The following INTU variants were observed in gnomAD, a reference collection of about 807,000 sequenced individuals.
INTU encodes inturned planar cell polarity protein.
A neutral mutation model predicts 100.5 loss-of-function variants in INTU; 68 were observed. The ratio of observed to expected loss-of-function variants is 0.68; its 90% CI spans 0.56 to 0.83. The LOEUF (loss-of-function observed/expected upper bound fraction) is 0.83. Among genes scored for constraint, INTU ranks in the 40% least tolerant of loss-of-function variants. The pLI, the probability that INTU is intolerant of heterozygous loss-of-function variation, is 0.00. For synonymous variants in INTU, 357 were observed against 395.7 expected (o/e 0.90, Z 1.16); for missense variants, 1,071 against 1,114.7 (o/e 0.96, Z 0.56).
intron 6 of INTU, among the ~76,000 whole-genome samples, chr4:127,679,230 A>G (rs1330298679): frequency 6.6e-6 from 1 of 152,176 alleles, no homozygotes; most frequent in Non-Finnish European, 1.5e-5. Flanking sequence ...CAGGAATTGA[A>G]CTCAGCTCTG....
intron 1 of INTU, among the ~76,000 whole-genome samples, chr4:127,635,245 T>C (rs897481261): frequency 6.6e-6 from 1 of 152,136 alleles, no homozygotes; most frequent in African/African-American, 2.4e-5. Flanking sequence ...TTTAGGTTTG[T>C]TAGAGAATAA....
At chr4:127,695,594 T>G (rs549083045) in intron 8 of INTU, among the ~76,000 whole-genome samples, 1 of 152,332 alleles carries the variant, frequency 6.6e-6, no homozygotes, top group South Asian at 2.1e-4. Flanking sequence ...AATTGTAATA[T>G]ATAAGATTGT....
chr4:127,687,575 A>C, intron 7 of INTU, 103 bp from the exon 8 acceptor site: 1 of 795,258 alleles, frequency 1.3e-6, no homozygotes, highest in Non-Finnish European at 2.1e-6. Flanking sequence ...GGAGTGAGGA[A>C]GATAGCCTAT....
At position 127,680,311 on chromosome 4, in the gene INTU, T is replaced by A. The variant is rs562621491; in HGVS notation, c.1182-4098T>A. On this transcript the variant is annotated intron_variant, in intron 6 of 15. Coordinates refer to ENST00000335251, the MANE Select transcript of INTU (RefSeq NM_015693.4). Reference sequence around the variant, plus strand: ...GCAGAGACACAACCAAAAAAGAGAATTTTAGACCAATATCCTTGATGAACA... The same window carrying A: ...GCAGAGACACAACCAAAAAAGAGAAATTTAGACCAATATCCTTGATGAACA... Among the ~76,000 whole-genome samples, 127 of 151,234 alleles carry A rather than the reference T, an allele frequency of 8.4e-4. 1 individual carries two copies. The highest frequency in any genetic ancestry group is 2.9e-3 in the African/African-American group (119 of 41,146).
At chr4:127,645,560 A>G (rs748945199) in intron 2 of INTU, among the ~76,000 whole-genome samples, 1 of 151,536 alleles carries the variant, frequency 6.6e-6, no homozygotes, top group Non-Finnish European at 1.5e-5. Flanking sequence ...TATTTTATTT[A>G]TTTATTTATT....
At chr4:127,704,405 C>G in intron 10 of INTU, 115 bp downstream of exon 10, 1 of 801,322 alleles carries the variant, frequency 1.2e-6, no homozygotes, top group Non-Finnish European at 2.0e-6. Flanking sequence ...ATGTAGGTAC[C>G]ATAAGATTAA....
chr4:127,704,225 C>A lies in INTU; in HGVS notation c.1504-3C>A. On this transcript the variant is annotated splice_region_variant and splice_polypyrimidine_tract_variant and intron_variant, in intron 9 of 15. Coordinates refer to ENST00000335251, the MANE Select transcript of INTU (RefSeq NM_015693.4). ...TAAAATCCACTATGAATTTTTCCCC[C>A]AGTCCGAGGATTACTATGACATGAG... 5 of 1,602,110 alleles carry A rather than the reference C, an allele frequency of 3.1e-6. No homozygotes were observed. Among genetic ancestry groups the A allele is most frequent in the Non-Finnish European group, 4.3e-6 (5 of 1,173,832 alleles).
chr4:127,668,546 AT>A (rs1728791221), intron 4 of INTU, among the ~76,000 whole-genome samples: 1 of 151,716 alleles, frequency 6.6e-6, no homozygotes. Context: ...CTTGGCTTGG[AT>A]TTAATGATTT....
At chr4:127,666,020 T>TGTA (rs954942951) in intron 4 of INTU, among the ~76,000 whole-genome samples, 1 of 152,216 alleles carries the variant, frequency 6.6e-6, no homozygotes, top group Non-Finnish European at 1.5e-5. Flanking sequence ...AGAAGTCTAC[T>TGTA]GTCAGTCTAT....
At chr4:127,680,844 T>G (rs1039430299) in intron 6 of INTU, among the ~76,000 whole-genome samples, 3 of 151,932 alleles carry the variant, frequency 2.0e-5, no homozygotes. Flanking sequence ...ATTGTATATC[T>G]AGAAAACCCC....
At chr4:127,648,252 T>C (rs1275629743) in intron 2 of INTU, among the ~76,000 whole-genome samples, 1 of 152,118 alleles carries the variant, frequency 6.6e-6, no homozygotes. Context: ...ACTGCAAAGG[T>C]GCGATGTCCG....
At chr4:127,708,516 T>G in intron 12 of INTU, 55 bp from the exon 13 acceptor site, 1 of 886,530 alleles carries the variant, frequency 1.1e-6, no homozygotes, top group Middle Eastern at 3.1e-4. Flanking sequence ...AAATTGTTTC[T>G]GCTATATGAT....
intron 4 of INTU, among the ~76,000 whole-genome samples, chr4:127,668,229 A>G (rs552234689): frequency 2.0e-5 from 3 of 152,170 alleles, no homozygotes; most frequent in African/African-American, 7.2e-5. Context: ...GTATGAAAGT[A>G]TTAGCACAGC....
chr4:127,699,646 G>T (rs557299577), intron 8 of INTU, among the ~76,000 whole-genome samples: 1 of 152,260 alleles, frequency 6.6e-6, no homozygotes, highest in South Asian at 2.1e-4. Context: ...AATCAAAAGG[G>T]TTAAATTAAT....
chr4:127,691,695 C>G (rs1395888931), intron 8 of INTU, among the ~76,000 whole-genome samples: 4 of 151,676 alleles, frequency 2.6e-5, no homozygotes, highest in African/African-American at 7.3e-5. Flanking sequence ...CACCCATCAC[C>G]CAAGGAGTAT....
At chr4:127,642,564 A>G (rs1727380325) in intron 1 of INTU, among the ~76,000 whole-genome samples, 1 of 152,142 alleles carries the variant, frequency 6.6e-6, no homozygotes, top group Non-Finnish European at 1.5e-5. Flanking sequence ...TTACAACACA[A>G]ATTATACTCT....
chr4:127,694,941 G>A (rs973902565), intron 8 of INTU, among the ~76,000 whole-genome samples: 3 of 152,122 alleles, frequency 2.0e-5, no homozygotes, highest in Non-Finnish European at 4.4e-5. Flanking sequence ...GATAGTATCA[G>A]TCCCCAGACT....
rs139768605 is a variant in INTU at position 127,662,691 on chromosome 4, G to A, written c.769-690G>A. 1.8e-3 allele frequency among the ~76,000 whole-genome samples: 276 copies of A among 152,234 alleles called. 1 individual carries two copies. Among genetic ancestry groups the A allele is most frequent in the African/African-American group, 6.5e-3 (270 of 41,546 alleles). ...CCAGTACCAGAACCATTAGGTAATT[G>A]AGAAATGGAGGCTACCTTTCCATAC... On this transcript the variant is annotated intron_variant, in intron 3 of 15. Coordinates refer to ENST00000335251, the MANE Select transcript of INTU (RefSeq NM_015693.4).
At position 127,726,361 on chromosome 4, in the gene INTU, T is replaced by A. The variant is rs1441767599; in HGVS notation, c.*9925T>A. 2 of 152,232 alleles carry A rather than the reference T, an allele frequency of 1.3e-5. No individual in the cohort carries two copies. The highest frequency in any genetic ancestry group is 4.8e-5 in the African/African-American group (2 of 41,466). The allele number at this position is 152,232 out of a possible 1,614,324, so 9.4% of individuals were successfully genotyped here. A position where few individuals can be genotyped will look rare whatever the true frequency, so the allele number is the denominator to read the frequency against. ...GGTTTTTCTGCTTTGGACATAATTG[T>A]ATGTGTTAATTCTCTCTAAACAGTG... On this transcript the variant is annotated 3_prime_UTR_variant, in exon 16 of 16. Coordinates refer to ENST00000335251, the MANE Select transcript of INTU (RefSeq NM_015693.4).
Sources: allele counts gnomAD v4.1 joint callset (sites outside exome capture counted in the v4.1 genomes callset), GRCh38; gene constraint gnomAD v4.1.1; transcripts MANE v1.5; gene names NCBI Gene and HGNC (gene_info 2026-07-23, HGNC 2026-07-21).